The following FAT1 variants were observed in gnomAD, a reference collection of about 807,000 sequenced individuals.
The protein encoded by FAT1 is protocadherin Fat 1.
Under a neutral mutation model 329.8 loss-of-function variants are expected in FAT1, and 171 were observed. The observed-to-expected ratio is 0.52, with a 90% CI of 0.46 to 0.59. The LOEUF (loss-of-function observed/expected upper bound fraction) is 0.59, where lower values mean the gene tolerates loss of function less well. Ranked by LOEUF, FAT1 falls within the 20% of genes least tolerant of loss-of-function variation. The pLI is 0.00. For synonymous variants in FAT1, 2,233 were observed against 2,228.6 expected, an observed-to-expected ratio of 1.00 and a Z score of -0.06; for missense variants, 5,672 against 5,774.4, an observed-to-expected ratio of 0.98 and a Z score of 0.57.
chr4:186,601,519 G>T, intron 20 of FAT1, 93 bp from the exon 21 acceptor site: 3 of 990,594 alleles, frequency 3.0e-6, no homozygotes, highest in Non-Finnish European at 2.9e-6. Context: ...GACTGATTTA[G>T]GGTTTTATTT....
chr4:186,706,150 C>T (rs758503921), intron 2 of FAT1, among the ~76,000 whole-genome samples: 4 of 152,144 alleles, frequency 2.6e-5, no homozygotes, highest in Non-Finnish European at 5.9e-5. Context: ...CTGAATGGCA[C>T]GCCAGATGGT....
rs1487677202 is a variant in FAT1 at position 186,618,549 on chromosome 4, C to A, written c.8037G>T (p.Gly2679=). Residue 2679 remains glycine (G), a synonymous_variant, in exon 10 of 27, where the codon GGG becomes GGT. Coordinates refer to ENST00000441802, the MANE Select transcript of FAT1 (RefSeq NM_005245.4). Reference sequence around the variant, plus strand: ...GAACAACAGATTCTTTTGATGGAGACCCATTATCCACAGCTCTAACAAAGA... The same window carrying A: ...GAACAACAGATTCTTTTGATGGAGAACCATTATCCACAGCTCTAACAAAGA... The part of the protein sequence containing the change: ...FTFFVRAVDN[G]SPSKESVVLV... 6.2e-7 allele frequency: 1 copy of A among 1,613,888 alleles called. No individual in the cohort carries two copies. The highest frequency in any genetic ancestry group is 8.5e-7 in the Non-Finnish European group (1 of 1,179,898).
intron 26 of FAT1, among the ~76,000 whole-genome samples, chr4:186,594,706 A>C (rs1201938363): frequency 1.4e-5 from 2 of 140,274 alleles, no homozygotes; most frequent in Admixed American, 1.4e-4. Flanking sequence ...ATATACTTGA[A>C]ATCAGAAATG....
chr4:186,682,102 G>A (rs1277717361), intron 2 of FAT1, among the ~76,000 whole-genome samples: 2 of 152,166 alleles, frequency 1.3e-5, no homozygotes, highest in Admixed American at 6.5e-5. Context: ...GGCGATAAGG[G>A]ACGTTGGATG....
chr4:186,709,987 T>C, intron 1 of FAT1, 142 bp from the exon 2 acceptor site: 3 of 748,396 alleles, frequency 4.0e-6, no homozygotes, highest in Non-Finnish European at 6.1e-6. Context: ...ATGTTTTTCA[T>C]GTTTTCCAAT....
rs2126705389 is a variant in FAT1 at position 186,709,597 on chromosome 4, T to A, written c.231A>T (p.Gly77=). 6.2e-7 allele frequency: 1 copy of A among 1,614,018 alleles called. No homozygotes were observed. The highest frequency in any genetic ancestry group is 1.1e-5 in the South Asian group (1 of 91,084). ...CAGCTTTGAACAGGTTTTCACTGTC[T>A]CCGGAAACAATTTTGTACCTTACTT... The part of the protein sequence containing the change: ...AWEVRYKIVS[G]DSENLFKAEE... The change falls in exon 2 of 27, where the codon GGA becomes GGT. Residue 77 remains glycine (G), a synonymous_variant. Coordinates refer to ENST00000441802, the MANE Select transcript of FAT1 (RefSeq NM_005245.4).
chr4:186,633,040 G>T (rs985954102), intron 7 of FAT1, among the ~76,000 whole-genome samples: 3 of 152,106 alleles, frequency 2.0e-5, no homozygotes, highest in East Asian at 3.9e-4. Context: ...ATGACACTCT[G>T]CTTGCTCCTG....
At chr4:186,610,811 C>T (rs976041047) in intron 14 of FAT1, among the ~76,000 whole-genome samples, 3 of 150,364 alleles carry the variant, frequency 2.0e-5, no homozygotes, top group Non-Finnish European at 4.4e-5. Context: ...CTATTTTAGG[C>T]CACAGGTTAG....
Position 186,603,678 on chromosome 4 carries a change from T to TA in FAT1, c.10847dup (p.Thr3617AsnfsTer42), listed in dbSNP as rs773976569. The TA allele has an allele frequency of 6.2e-7, 1 of 1,613,918 alleles. No homozygotes were observed. The highest frequency in any genetic ancestry group is 1.3e-5 in the African/African-American group (1 of 74,930). On this transcript the variant is annotated frameshift_variant, in exon 19 of 27. Transcript: ENST00000441802. LOFTEE classifies it high-confidence loss of function. The stretch of plus-strand genomic sequence containing the variant: ...CCACCGTCGTGAACTTCCCATCTGT[T>TA]ACGCTGACATTGAGAAGGTATTGCC...
Position 186,603,766 on chromosome 4 carries a change from T to C in FAT1, c.10760A>G (p.Asp3587Gly). 2 of 1,613,972 alleles carry C rather than the reference T, an allele frequency of 1.2e-6. No individual in the cohort carries two copies. The highest frequency in any genetic ancestry group is 1.7e-6 in the Non-Finnish European group (2 of 1,179,874). Residue 3587 changes from aspartate (D) to glycine (G), a missense_variant, in exon 19 of 27, where the codon GAC (aspartate) becomes GGC (glycine). Asp to Gly is a moderately conservative substitution (Grantham distance 94). Coordinates refer to ENST00000441802, the MANE Select transcript of FAT1 (RefSeq NM_005245.4). Reference protein sequence around the residue: ...TLTYSLDPQMDNLFSVSSTGG... With the variant: ...TLTYSLDPQMGNLFSVSSTGG... ...TGTGCTGGAAACAGAGAACAGGTTGTCCATCTGAGGGTCGAGACTGTAGGT... is the reference window on the plus strand; with the variant it reads ...TGTGCTGGAAACAGAGAACAGGTTGCCCATCTGAGGGTCGAGACTGTAGGT...
At position 186,617,986 on chromosome 4, in the gene FAT1, C is replaced by A. The variant is rs923987085; in HGVS notation, c.8600G>T (p.Gly2867Val). Reference protein sequence around the residue: ...IESFAINMETGWITTLKELDH... With the variant: ...IESFAINMETVWITTLKELDH... ...AAGTTCCTTTAAAGTTGTAATCCAG[C>A]CTGTTTCCATGTTAATGGCAAAGGA... Residue 2867 changes from glycine (G) to valine (V), a missense_variant, in exon 10 of 27, where the codon GGC becomes GTC. Coordinates refer to ENST00000441802, the MANE Select transcript of FAT1 (RefSeq NM_005245.4). 1 of 1,614,008 alleles carries A rather than the reference C, an allele frequency of 6.2e-7. No individual in the cohort carries two copies.
At position 186,709,558 on chromosome 4, in the gene FAT1, G is replaced by C. The variant is rs373265178; in HGVS notation, c.270C>G (p.Leu90=). 1.9e-5 allele frequency: 30 copies of C among 1,613,822 alleles called. 1 individual carries two copies. The Admixed American group carries it at 4.5e-4, about 24-fold the overall frequency. Residue 90 remains leucine, a synonymous_variant, in exon 2 of 27, where the codon CTC becomes CTG. Coordinates refer to ENST00000441802, the MANE Select transcript of FAT1 (RefSeq NM_005245.4). ...TTATTCTTAGAAAGCAAAAGTCTCC[G>C]AGAATGTACTCTTCAGCTTTGAACA... ...ENLFKAEEYI[L]GDFCFLRIRT...
At chr4:186,711,668 A>C (rs1298340893) in intron 1 of FAT1, among the ~76,000 whole-genome samples, 1 of 152,228 alleles carries the variant, frequency 6.6e-6, no homozygotes, top group Admixed American at 6.5e-5. Flanking sequence ...CTGTAATCCC[A>C]GAACTTTGGG....
rs1346930318 is a variant in FAT1, at chr4:186,600,334, C to T, written c.11667G>A (p.Lys3889=). The T allele has an allele frequency of 6.2e-7, 1 of 1,612,928 alleles. No homozygotes were observed. The highest frequency in any genetic ancestry group is 8.5e-7 in the Non-Finnish European group (1 of 1,179,462). Residue 3889 remains lysine (K), a synonymous_variant, in exon 22 of 27, where the codon AAG becomes AAA. Coordinates refer to ENST00000441802, the MANE Select transcript of FAT1 (RefSeq NM_005245.4). ...LEIHHGRLQY[K]FDCGSGPGIV... ...TTCCAGGGCCACTTCCACAGTCAAACTTGTACTGCAGCCTTCCATGATGAA... is the reference window on the plus strand; with the variant it reads ...TTCCAGGGCCACTTCCACAGTCAAATTTGTACTGCAGCCTTCCATGATGAA...
At chr4:186,720,917 A>G (rs1030168906) in intron 1 of FAT1, among the ~76,000 whole-genome samples, 1 of 152,222 alleles carries the variant, frequency 6.6e-6, no homozygotes, top group African/African-American at 2.4e-5. Context: ...AAATCCAGGC[A>G]CAACCACGAG....
At chr4:186,697,327 C>T (rs911119835) in intron 2 of FAT1, among the ~76,000 whole-genome samples, 5 of 152,214 alleles carry the variant, frequency 3.3e-5, no homozygotes, top group African/African-American at 1.2e-4. Flanking sequence ...ACTCACAGCA[C>T]GCGAAAGCGC....
In FAT1 at chr4:186,600,992, G is replaced by A. The variant is rs906302571; in HGVS notation, c.11640+277C>T. On this transcript the variant is annotated intron_variant, in intron 21 of 26. Coordinates refer to ENST00000441802, the MANE Select transcript of FAT1 (RefSeq NM_005245.4). Reference sequence around the variant, plus strand: ...TTCCCAAAGTGCTGGGATTACAGGCGTGAGCCACCACACCCAGCCAACATT... The same window carrying A: ...TTCCCAAAGTGCTGGGATTACAGGCATGAGCCACCACACCCAGCCAACATT... 6.6e-5 allele frequency among the ~76,000 whole-genome samples: 10 copies of A among 152,308 alleles called. No individual in the cohort carries two copies. The East Asian group carries it at 1.4e-3, about 21-fold the overall frequency.
Position 186,623,797 on chromosome 4 carries a change from T to A in FAT1, c.4811-2022A>T, listed in dbSNP as rs1234348466. 2.0e-5 allele frequency among the ~76,000 whole-genome samples: 3 copies of A among 152,222 alleles called. No individual in the cohort carries two copies. In the East Asian group the frequency reaches 5.8e-4, roughly 29 times the overall value. On this transcript the variant is annotated intron_variant, in intron 9 of 26. Transcript: ENST00000441802. ...CGCTATTCTTACTGTTTCTGTCTCA[T>A]CGCCCTGTGTTTTCTTTACAGCATG... is the stretch of plus-strand genomic sequence containing the variant.
Position 186,617,859 on chromosome 4 carries a change from G to A in FAT1, c.8727C>T (p.Thr2909=), listed in dbSNP as rs757154932. ...SSTAIVDVTV[T]DVNDSPPRFT... is the part of the protein sequence containing the mutation. ...ATCGTGGTGGACTATCGTTGACATC[G>A]GTGACGGTAACATCCACAATGGCTG... is the stretch of plus-strand genomic sequence containing the variant. Residue 2909 remains threonine (T), a synonymous_variant, in exon 10 of 27, where the codon ACC becomes ACT. Transcript: ENST00000441802. 35 of 1,613,786 alleles carry A rather than the reference G, an allele frequency of 2.2e-5. No individual in the cohort carries two copies. Among genetic ancestry groups the A allele is most frequent in the East Asian group, 1.3e-4 (6 of 44,890 alleles).
Sources: gnomAD v4.1 joint callset for allele counts (sites outside exome capture counted in the v4.1 genomes callset) on GRCh38, gnomAD v4.1.1 for gene constraint, MANE v1.5 for transcripts, NCBI Gene and HGNC (gene_info 2026-07-23, HGNC 2026-07-21) for gene names.